SYT9: variants seen among roughly 807,000 people sequenced by gnomAD.
The protein encoded by SYT9 is synaptotagmin-9.
SYT9 carries 22 observed loss-of-function variants against 48.4 expected under a neutral mutation model. The observed-to-expected ratio is 0.45, with a 90% CI of 0.32 to 0.65. SYT9 has a LOEUF of 0.65. SYT9 is among the 30% of genes least tolerant of loss of function. SYT9 has a pLI of 0.03. For synonymous variants in SYT9, 265 were observed against 245.0 expected (o/e 1.08, Z -0.76); for missense variants, 577 against 622.0 (o/e 0.93, Z 0.77).
chr11:7,428,566 G>C (rs2134115219), intron 6 of SYT9, among the ~76,000 whole-genome samples: 1 of 152,332 alleles, frequency 6.6e-6, no homozygotes, highest in East Asian at 1.9e-4. Flanking sequence ...CCTGGCAGAG[G>C]ACACTCAGGA....
chr11:7,369,933 A>G (rs35300199), intron 3 of SYT9, among the ~76,000 whole-genome samples: 21,995 of 151,846 alleles, frequency 0.14, 1,849 homozygotes, highest in South Asian at 0.23. Context: ...TTTGGGGTAC[A>G]GGTGATATCT....
chr11:7,374,681 CT>C (rs1046567848), intron 3 of SYT9, among the ~76,000 whole-genome samples: 2 of 152,162 alleles, frequency 1.3e-5, no homozygotes, highest in African/African-American at 2.4e-5. Context: ...TGATGATGCG[CT>C]TTTTGCCATA....
chr11:7,367,248 ATTTTTTTTTT>A (rs71056801), intron 3 of SYT9, among the ~76,000 whole-genome samples: 1 of 131,178 alleles, frequency 7.6e-6, no homozygotes, highest in African/African-American at 2.8e-5. Context: ...CGCCCGGCTA[ATTTTTTTTTT>A]TTTTTTTGGT....
At chr11:7,464,144 G>A (rs557143157) in intron 6 of SYT9, among the ~76,000 whole-genome samples, 3 of 152,208 alleles carry the variant, frequency 2.0e-5, no homozygotes, top group South Asian at 4.2e-4. Flanking sequence ...GTCATAATAG[G>A]GAAAAATGAG....
intron 1 of SYT9, among the ~76,000 whole-genome samples, chr11:7,275,639 AT>A (rs1848375090): frequency 6.6e-6 from 1 of 152,180 alleles, no homozygotes; most frequent in Non-Finnish European, 1.5e-5. Flanking sequence ...ATAATTCAAG[AT>A]TCATATTCCA....
At chr11:7,333,873 T>C (rs151273331) in intron 3 of SYT9, among the ~76,000 whole-genome samples, 563 of 152,320 alleles carry the variant, frequency 3.7e-3, no homozygotes, top group Middle Eastern at 0.01. Context: ...TTGGGGCTTT[T>C]GGTTTTGGGA....
At chr11:7,364,610 A>G (rs1415164834) in intron 3 of SYT9, among the ~76,000 whole-genome samples, 1 of 152,236 alleles carries the variant, frequency 6.6e-6, no homozygotes, top group Non-Finnish European at 1.5e-5. Flanking sequence ...AAAAATTAAA[A>G]GAGTATGACA....
Position 7,418,062 on chromosome 11 carries a change from T to C in SYT9, c.1271T>C (p.Val424Ala). The C allele has an allele frequency of 6.2e-7, 1 of 1,614,062 alleles. No homozygotes were observed. The highest frequency in any genetic ancestry group is 8.5e-7 in the Non-Finnish European group (1 of 1,179,998). The part of the protein sequence containing the change: ...TLNPVYNEAI[V>A]FDVPPENIDQ... The stretch of plus-strand genomic sequence containing the variant: ...AATCCTGTTTACAACGAAGCCATAG[T>C]CTTTGATGTCCCTCCCGAGAACATT... Residue 424 changes from valine to alanine, a missense_variant, in exon 5 of 7, where the codon GTC becomes GCC. By Grantham distance (64) the Val-to-Ala change is moderately conservative (BLOSUM62 0). Transcript: ENST00000318881.
intron 1 of SYT9, among the ~76,000 whole-genome samples, chr11:7,257,534 T>C (rs1847996437): frequency 6.6e-6 from 1 of 152,122 alleles, no homozygotes; most frequent in Non-Finnish European, 1.5e-5. Context: ...ATATAGTTTC[T>C]ATGAAAAAAA....
intron 1 of SYT9, among the ~76,000 whole-genome samples, chr11:7,257,677 T>C (rs963190230): frequency 2.0e-5 from 3 of 152,160 alleles, no homozygotes; most frequent in Non-Finnish European, 4.4e-5. Context: ...ATGGGATTAA[T>C]TTTTTTAAAT....
chr11:7,386,388 A>C (rs1257885855), intron 3 of SYT9, among the ~76,000 whole-genome samples: 3 of 151,988 alleles, frequency 2.0e-5, no homozygotes, highest in Non-Finnish European at 4.4e-5. Flanking sequence ...AAATTTTTGC[A>C]ATCTACTCAT....
At chr11:7,367,965 C>T (rs780386936) in intron 3 of SYT9, among the ~76,000 whole-genome samples, 13 of 152,186 alleles carry the variant, frequency 8.5e-5, no homozygotes, top group Non-Finnish European at 1.5e-4. Context: ...CCATGAGGCA[C>T]ATACTGTTAT....
At chr11:7,416,932 AT>A (rs1174859255) in intron 4 of SYT9, among the ~76,000 whole-genome samples, 1 of 152,286 alleles carries the variant, frequency 6.6e-6, no homozygotes, top group East Asian at 1.9e-4. Flanking sequence ...CTATGTCCTT[AT>A]TAAAGGGAAC....
intron 1 of SYT9, among the ~76,000 whole-genome samples, chr11:7,290,337 C>T (rs1160074588): frequency 6.6e-6 from 1 of 152,150 alleles, no homozygotes; most frequent in African/African-American, 2.4e-5. Flanking sequence ...CTGAAACAGT[C>T]TGGATGGGCC....
intron 6 of SYT9, among the ~76,000 whole-genome samples, chr11:7,456,423 T>A (rs1848150983): frequency 6.6e-6 from 1 of 152,240 alleles, no homozygotes; most frequent in Non-Finnish European, 1.5e-5. Flanking sequence ...GCAAGCTGCC[T>A]GCACATGCAG....
At chr11:7,429,092 A>G (rs1847519303) in intron 6 of SYT9, among the ~76,000 whole-genome samples, 1 of 152,132 alleles carries the variant, frequency 6.6e-6, no homozygotes. Flanking sequence ...GTGGGCACCC[A>G]TACACCGACA....
chr11:7,426,741 C>T (rs763733065), intron 6 of SYT9, among the ~76,000 whole-genome samples: 40 of 152,286 alleles, frequency 2.6e-4, no homozygotes, highest in Admixed American at 4.6e-4. Context: ...AGGGTCTCTG[C>T]TTCCTCTACC....
chr11:7,353,172 A>G (rs1158135177), intron 3 of SYT9, among the ~76,000 whole-genome samples: 2 of 152,058 alleles, frequency 1.3e-5, no homozygotes, highest in Admixed American at 1.3e-4. Context: ...ACCCAGAACA[A>G]TGTTAAGCTC....
At chr11:7,358,403 C>T (rs1051994282) in intron 3 of SYT9, among the ~76,000 whole-genome samples, 7 of 152,072 alleles carry the variant, frequency 4.6e-5, no homozygotes, top group African/African-American at 7.2e-5. Context: ...TCATTTTCAA[C>T]GTAACACAAT....
Sources: allele counts gnomAD v4.1 joint callset (sites outside exome capture counted in the v4.1 genomes callset), GRCh38; gene constraint gnomAD v4.1.1; transcripts MANE v1.5; gene names NCBI Gene and HGNC (gene_info 2026-07-23, HGNC 2026-07-21).